The following CTNNA2 variants were observed in gnomAD, a reference collection of about 807,000 sequenced individuals.
CTNNA2 encodes the protein catenin alpha 2.
A neutral mutation model predicts 101.0 loss-of-function variants in CTNNA2; 42 were observed. The ratio of observed to expected loss-of-function variants is 0.42; its 90% confidence interval spans 0.32 to 0.54. The LOEUF is 0.54. Among genes scored for constraint, CTNNA2 ranks in the 20% least tolerant of loss-of-function variants. CTNNA2 has a pLI of 0.14. For missense variants in CTNNA2, 871 were observed against 1,223.1 expected (o/e 0.71, Z 4.29); for synonymous variants, 450 against 456.4 (o/e 0.99, Z 0.18).
At chr2:80,214,621 C>T (rs1461593718) in intron 7 of CTNNA2, among the ~76,000 whole-genome samples, 1 of 152,034 alleles carries the variant, frequency 6.6e-6, no homozygotes, top group Non-Finnish European at 1.5e-5. Context: ...GGTAACCCGA[C>T]CTCTCTCTCT....
At chr2:80,595,773 A>G (rs1394314614) in intron 15 of CTNNA2, among the ~76,000 whole-genome samples, 1 of 152,002 alleles carries the variant, frequency 6.6e-6, no homozygotes, top group Non-Finnish European at 1.5e-5. Flanking sequence ...GTAGCTTTGT[A>G]GTTTAGTTTG....
chr2:80,421,915 A>T (rs1039306142), intron 9 of CTNNA2, among the ~76,000 whole-genome samples: 1 of 151,944 alleles, frequency 6.6e-6, no homozygotes, highest in Non-Finnish European at 1.5e-5. Context: ...TGTCTGTAAT[A>T]TGAAAAAGTC....
chr2:80,415,668 A>C (rs1298635451), intron 8 of CTNNA2, among the ~76,000 whole-genome samples: 2 of 152,136 alleles, frequency 1.3e-5, no homozygotes, highest in Non-Finnish European at 2.9e-5. Context: ...AAAAATTAAA[A>C]CTAGAACTTC....
intron 1 of CTNNA2, among the ~76,000 whole-genome samples, chr2:79,621,922 A>G (rs1390074616): frequency 6.6e-6 from 1 of 152,212 alleles, no homozygotes; most frequent in Non-Finnish European, 1.5e-5. Context: ...ATTTTACAAA[A>G]TACCTGATGA....
chr2:80,377,652 G>A (rs183462053), intron 7 of CTNNA2, among the ~76,000 whole-genome samples: 23 of 152,278 alleles, frequency 1.5e-4, no homozygotes, highest in African/African-American at 4.8e-4. Flanking sequence ...GGTAAAATGA[G>A]ATAACATTGA....
intron 9 of CTNNA2, among the ~76,000 whole-genome samples, chr2:80,521,365 A>C (rs1369966017): frequency 1.3e-5 from 2 of 152,184 alleles, no homozygotes; most frequent in East Asian, 3.9e-4. Context: ...ATGGAACTCT[A>C]TGTAGAATCA....
chr2:79,918,743 G>A (rs1029088232), intron 7 of CTNNA2, among the ~76,000 whole-genome samples: 2 of 152,036 alleles, frequency 1.3e-5, no homozygotes, highest in Non-Finnish European at 2.9e-5. Flanking sequence ...CCTTCCAGAG[G>A]AACATACTTT....
chr2:79,493,063 T>G (rs2104566111), intron 4 of CTNNA2, among the ~76,000 whole-genome samples: 1 of 152,258 alleles, frequency 6.6e-6, no homozygotes, highest in Middle Eastern at 3.4e-3. Context: ...CTTTTTAAAC[T>G]TCACAAGGGG....
At chr2:80,286,965 A>G (rs1037111703) in intron 7 of CTNNA2, among the ~76,000 whole-genome samples, 4 of 152,348 alleles carry the variant, frequency 2.6e-5, no homozygotes, top group African/African-American at 4.8e-5. Flanking sequence ...TCCCCTGACC[A>G]TAAATAGTAT....
intron 2 of CTNNA2, among the ~76,000 whole-genome samples, chr2:79,299,912 A>AT (rs1054755210): frequency 3.7e-4 from 57 of 152,350 alleles, no homozygotes; most frequent in African/African-American, 1.3e-3. Flanking sequence ...AATAGAAGTT[A>AT]TTTTTAGGGA....
intron 7 of CTNNA2, among the ~76,000 whole-genome samples, chr2:80,081,826 C>T (rs983091288): frequency 3.3e-5 from 5 of 151,796 alleles, no homozygotes; most frequent in African/African-American, 1.2e-4. Context: ...TGAAAACCAA[C>T]AACATAGCCA....
intron 14 of CTNNA2, among the ~76,000 whole-genome samples, chr2:80,583,514 A>G (rs1695716797): frequency 1.3e-5 from 2 of 152,236 alleles, no homozygotes; most frequent in Admixed American, 6.5e-5. Flanking sequence ...GTCACTGACA[A>G]AGGGCAATTT....
At chr2:79,729,424 C>T (rs1567532) in intron 2 of CTNNA2, among the ~76,000 whole-genome samples, 29,346 of 152,014 alleles carry the variant, frequency 0.19, 3,006 homozygotes, top group Middle Eastern at 0.24. Flanking sequence ...TGGGAAGTTC[C>T]AAATTCTGTA....
intron 7 of CTNNA2, among the ~76,000 whole-genome samples, chr2:80,379,469 G>T (rs551745239): frequency 1.3e-5 from 2 of 152,134 alleles, no homozygotes; most frequent in East Asian, 3.9e-4. Flanking sequence ...CTAATTAAGT[G>T]GTTTGATTAT....
intron 7 of CTNNA2, among the ~76,000 whole-genome samples, chr2:80,273,786 A>G (rs186115423): frequency 6.6e-6 from 1 of 151,950 alleles, no homozygotes; most frequent in East Asian, 1.9e-4. Context: ...AGATGTCTCA[A>G]CCTCAGCAAT....
intron 4 of CTNNA2, among the ~76,000 whole-genome samples, chr2:79,411,396 G>A (rs1211076823): frequency 6.6e-6 from 1 of 151,868 alleles, no homozygotes; most frequent in Non-Finnish European, 1.5e-5. Flanking sequence ...TGATGTTAGG[G>A]TGTCAATTTT....
At chr2:79,583,740 TG>T (rs1375437964) in intron 1 of CTNNA2, among the ~76,000 whole-genome samples, 1 of 152,194 alleles carries the variant, frequency 6.6e-6, no homozygotes, top group East Asian at 1.9e-4. Flanking sequence ...AGGTATGAAG[TG>T]GTATCTCATA....
At chr2:79,413,979 T>G (rs1678448829) in intron 4 of CTNNA2, among the ~76,000 whole-genome samples, 1 of 149,300 alleles carries the variant, frequency 6.7e-6, no homozygotes, top group African/African-American at 2.4e-5. Context: ...ATATAAGCTT[T>G]TTAGTTTGAT....
At chr2:79,788,764 G>T (rs146454061) in intron 3 of CTNNA2, among the ~76,000 whole-genome samples, 1 of 152,150 alleles carries the variant, frequency 6.6e-6, no homozygotes, top group East Asian at 1.9e-4. Context: ...AGGTATCAGT[G>T]CTCTTTTGAA....
Sources: gnomAD v4.1 joint callset for allele counts (sites outside exome capture counted in the v4.1 genomes callset) on GRCh38, gnomAD v4.1.1 for gene constraint, MANE v1.5 for transcripts, NCBI Gene and HGNC (gene_info 2026-07-23, HGNC 2026-07-21) for gene names.